Variants in TOX2 observed in about 807,000 individuals in gnomAD.
The protein encoded by TOX2 is granulosa cell HMG box 1.
A neutral mutation model predicts 47.4 loss-of-function variants in TOX2; 15 were observed. The ratio of observed to expected loss-of-function variants is 0.32; its 90% CI spans 0.21 to 0.49. The LOEUF (loss-of-function observed/expected upper bound fraction) is 0.49. TOX2 is among the 20% of genes least tolerant of loss of function. The probability of loss-of-function intolerance (pLI) is 0.99; values close to 1 mark genes in which losing one functional copy is unlikely to be tolerated. For synonymous variants in TOX2, 290 were observed against 296.6 expected, an observed-to-expected ratio of 0.98 and a Z score of 0.23; for missense variants, 622 against 673.1, an observed-to-expected ratio of 0.92 and a Z score of 0.84.
At chr20:43,989,484 A>G (rs1338152326) in intron 2 of TOX2, among the ~76,000 whole-genome samples, 1 of 152,174 alleles carries the variant, frequency 6.6e-6, no homozygotes, top group Non-Finnish European at 1.5e-5. Context: ...AATTTTAAAA[A>G]CAGCATATAT....
intron 1 of TOX2, among the ~76,000 whole-genome samples, chr20:43,949,323 G>A (rs571880001): frequency 8.5e-5 from 13 of 152,282 alleles, no homozygotes; most frequent in African/African-American, 2.9e-4. Context: ...CGGGATGACC[G>A]CAGGAGCCTC....
chr20:44,061,955 C>T (rs7353707), intron 5 of TOX2, among the ~76,000 whole-genome samples: 27 of 151,520 alleles, frequency 1.8e-4, no homozygotes, highest in Non-Finnish European at 3.2e-4. Flanking sequence ...TCAGCAAAAT[C>T]GGCATAGAAG....
At chr20:44,012,935 C>T (rs1307461076) in intron 3 of TOX2, among the ~76,000 whole-genome samples, 1 of 152,240 alleles carries the variant, frequency 6.6e-6, no homozygotes, top group African/African-American at 2.4e-5. Context: ...GGGCTAGGGG[C>T]TGTGGCCCAG....
chr20:44,019,942 G>A (rs1460195866), intron 3 of TOX2, among the ~76,000 whole-genome samples: 2 of 152,214 alleles, frequency 1.3e-5, no homozygotes, highest in Non-Finnish European at 2.9e-5. Flanking sequence ...AGCTCCTCAA[G>A]AGATTCAAGT....
rs1244646989 is a variant in TOX2 at position 44,066,851 on chromosome 20, C to A, written c.1478C>A (p.Thr493Asn). ...CCCAGTGGGGAGTGTGGCATCAGCA[C>A]CTGCAGGTTAGTCCTCGCCCGTCCC... Reference protein sequence around the residue: ...SYPSGECGISTCSLLPRDKSL... With the variant: ...SYPSGECGISNCSLLPRDKSL... Residue 493 changes from threonine (T) to asparagine (N), a missense_variant, in exon 8 of 9, where the codon ACC becomes AAC. Thr to Asn is a moderately conservative substitution (Grantham distance 65). This residue lies in a region of TOX2 where 294 missense variants were observed against 300.0 expected (regional missense o/e 0.98). Transcript: ENST00000341197. The A allele has an allele frequency of 6.2e-7, 1 of 1,613,530 alleles. No individual in the cohort carries two copies. Among genetic ancestry groups the A allele is most frequent in the Non-Finnish European group, 8.5e-7 (1 of 1,179,790 alleles).
At chr20:43,920,413 C>T (rs987340516) in intron 1 of TOX2, among the ~76,000 whole-genome samples, 12 of 152,220 alleles carry the variant, frequency 7.9e-5, no homozygotes, top group Non-Finnish European at 2.9e-5. Context: ...ATTCCCACAG[C>T]TCCTTTCTTC....
intron 5 of TOX2, among the ~76,000 whole-genome samples, chr20:44,057,965 C>G (rs887196858): frequency 2.0e-5 from 3 of 152,182 alleles, no homozygotes; most frequent in African/African-American, 7.2e-5. Flanking sequence ...AGTCAGAGTT[C>G]CAAGAGCAGT....
At chr20:43,968,883 G>A (rs1022935538) in intron 1 of TOX2, among the ~76,000 whole-genome samples, 2 of 152,180 alleles carry the variant, frequency 1.3e-5, no homozygotes, top group African/African-American at 4.8e-5. Flanking sequence ...TTAAAGCATA[G>A]GGAAGGCTGT....
In TOX2 at chr20:43,998,587, G is replaced by A. The variant is rs544656847; in HGVS notation, c.166-7960G>A. Among the ~76,000 whole-genome samples, 95 of 152,132 alleles carry A rather than the reference G, an allele frequency of 6.2e-4. 1 individual carries two copies. The Middle Eastern group carries it at 0.01, about 16-fold the overall frequency. On this transcript the variant is annotated intron_variant, in intron 2 of 8. Coordinates refer to ENST00000341197, the MANE Select transcript of TOX2 (RefSeq NM_001098797.2). ...GTTTTATCAATTTACATAAAAATTT[G>A]TCATTTCTTCTTAGTAGATTTATAT... is the stretch of plus-strand genomic sequence containing the variant.
chr20:43,974,542 A>G (rs2070038473), intron 2 of TOX2, among the ~76,000 whole-genome samples: 1 of 152,050 alleles, frequency 6.6e-6, no homozygotes, highest in African/African-American at 2.4e-5. Context: ...CTGGAGGGCA[A>G]CCCCGGCCCT....
At chr20:44,016,405 T>C (rs897707202) in intron 3 of TOX2, among the ~76,000 whole-genome samples, 4 of 152,150 alleles carry the variant, frequency 2.6e-5, no homozygotes, top group Admixed American at 2.6e-4. Context: ...ATTACAGACG[T>C]GAGCCACTAT....
At chr20:43,992,362 A>G (rs1314436544) in intron 2 of TOX2, among the ~76,000 whole-genome samples, 1 of 152,048 alleles carries the variant, frequency 6.6e-6, no homozygotes, top group African/African-American at 2.4e-5. Context: ...TGTAGGAGCC[A>G]GGATACCCCT....
chr20:44,023,754 C>G (rs1440088943), intron 3 of TOX2, among the ~76,000 whole-genome samples: 4 of 152,262 alleles, frequency 2.6e-5, no homozygotes, highest in Non-Finnish European at 5.9e-5. Flanking sequence ...AGGTCTGAGT[C>G]CCACATTTTG....
intron 3 of TOX2, among the ~76,000 whole-genome samples, chr20:44,027,743 G>A (rs569088294): frequency 6.6e-6 from 1 of 152,352 alleles, no homozygotes; most frequent in Admixed American, 6.5e-5. Flanking sequence ...AAGTGCACAG[G>A]CAAAGATGAG....
At chr20:44,002,713 C>T (rs2070605561) in intron 2 of TOX2, among the ~76,000 whole-genome samples, 1 of 152,174 alleles carries the variant, frequency 6.6e-6, no homozygotes, top group Admixed American at 6.5e-5. Context: ...GAAGCTTTTA[C>T]TCCTGGGAGA....
At chr20:43,929,775 T>C (rs2069228270) in intron 1 of TOX2, among the ~76,000 whole-genome samples, 1 of 152,202 alleles carries the variant, frequency 6.6e-6, no homozygotes. Context: ...AGTGGTGCGA[T>C]CTCAGCTCAC....
intron 1 of TOX2, among the ~76,000 whole-genome samples, chr20:43,956,483 C>T (rs1055418520): frequency 6.6e-6 from 1 of 151,270 alleles, no homozygotes; most frequent in Non-Finnish European, 1.5e-5. Context: ...ATCGCTTGAA[C>T]CCAGGAGGCC....
At chr20:43,950,720 C>A (rs1183379335) in intron 1 of TOX2, among the ~76,000 whole-genome samples, 1 of 152,116 alleles carries the variant, frequency 6.6e-6, no homozygotes, top group Non-Finnish European at 1.5e-5. Context: ...TCCATCTCGA[C>A]ATTCCCAATA....
At chr20:43,957,574 T>G (rs1414136050) in intron 1 of TOX2, among the ~76,000 whole-genome samples, 1 of 151,876 alleles carries the variant, frequency 6.6e-6, no homozygotes. Context: ...CCTCTTTTTT[T>G]TTTTTTTTTT....
Sources: gnomAD v4.1 joint callset for allele counts (sites outside exome capture counted in the v4.1 genomes callset) on GRCh38, gnomAD v4.1.1 for gene constraint, gnomAD v4.1.1 regional missense constraint, MANE v1.5 for transcripts, NCBI Gene and HGNC (gene_info 2026-07-23, HGNC 2026-07-21) for gene names.